Variants in SYT17 observed in about 807,000 individuals in gnomAD.
SYT17 encodes the protein synaptotagmin-17.
In SYT17, 22 loss-of-function variants were observed where a neutral mutation model predicts 46.7. The observed-to-expected ratio is 0.47, with a 90% CI of 0.34 to 0.67. SYT17 has a LOEUF of 0.67. SYT17 is among the 30% of genes least tolerant of loss of function. The probability of loss-of-function intolerance (pLI) is 0.01; values close to 1 mark genes in which losing one functional copy is unlikely to be tolerated. For synonymous variants in SYT17, 251 were observed against 248.4 expected, an observed-to-expected ratio of 1.01 and a Z score of -0.10; for missense variants, 519 against 612.8, an observed-to-expected ratio of 0.85 and a Z score of 1.62.
At chr16:19,264,745 C>G (rs1036627275) in intron 7 of SYT17, among the ~76,000 whole-genome samples, 52 of 152,140 alleles carry the variant, frequency 3.4e-4, no homozygotes, top group African/African-American at 1.2e-3. Flanking sequence ...GCACACACCA[C>G]TATGTCTGGC....
chr16:19,183,709 G>A lies in SYT17; in HGVS notation c.513G>A (p.Val171=). The part of the protein sequence containing the change: ...LYSLDSNSDD[V]DSLTDEEILS... The stretch of plus-strand genomic sequence containing the variant: ...CCCTCGACTCCAACAGCGACGATGT[G>A]GACTCTCTGACAGACGAGGAGATCC... The change falls in exon 5 of 8, where the codon GTG becomes GTA. Residue 171 remains valine (V), a synonymous_variant. Transcript: ENST00000355377. This position sits in a 1 kb window ranked among gnomAD's most constrained non-coding sequence, Gnocchi z 5.6. The A allele has an allele frequency of 6.2e-7, 1 of 1,614,158 alleles. No homozygotes were observed. The highest frequency in any genetic ancestry group is 1.1e-5 in the South Asian group (1 of 91,082).
At position 19,254,939 on chromosome 16, in the gene SYT17, C is replaced by G. The variant is rs191253859; in HGVS notation, c.1229-11941C>G. On this transcript the variant is annotated intron_variant, in intron 7 of 7. Coordinates refer to ENST00000355377, the MANE Select transcript of SYT17 (RefSeq NM_016524.4). The stretch of plus-strand genomic sequence containing the variant: ...AGGCATAAAGAAAGGGGTCCCACAG[C>G]CCCAAAGGAATTTTAAAAGAAATTT... 2.3e-4 allele frequency among the ~76,000 whole-genome samples: 35 copies of G among 152,314 alleles called. No individual in the cohort carries two copies. In the East Asian group the frequency reaches 6.5e-3, roughly 28 times the overall value.
chr16:19,256,365 G>T (rs1000697786), intron 7 of SYT17, among the ~76,000 whole-genome samples: 14 of 150,812 alleles, frequency 9.3e-5, no homozygotes, highest in African/African-American at 3.2e-4. Context: ...GGATTTTCAC[G>T]GGACTTTCCA....
At chr16:19,243,819 CAAAAAAAAAAA>C (rs760219447) in intron 7 of SYT17, among the ~76,000 whole-genome samples, 5 of 56,920 alleles carry the variant, frequency 8.8e-5, no homozygotes, top group Admixed American at 6.9e-4. Flanking sequence ...AAAACTCCAT[CAAAAAAAAAAA>C]AAAAAAAAAA....
At position 19,183,933 on chromosome 16, in the gene SYT17, G is replaced by C; in HGVS notation, c.737G>C (p.Gly246Ala). ...GACCAGAAGAACTCAAAGCAGACCG[G>C]GGTCAAACGCAAGACCCAGAAGCCC... ...LPDQKNSKQT[G>A]VKRKTQKPVF... Residue 246 changes from glycine to alanine, a missense_variant, in exon 5 of 8, where the codon GGG becomes GCG. Physicochemically the swap from Gly to Ala is moderately conservative, Grantham distance 60. Transcript: ENST00000355377. The surrounding 1 kb of genome is among the most constrained non-coding windows in gnomAD (Gnocchi z 5.6). The C allele has an allele frequency of 6.2e-7, 1 of 1,614,190 alleles. No homozygotes were observed. The highest frequency in any genetic ancestry group is 1.1e-5 in the South Asian group (1 of 91,090).
At chr16:19,178,165 C>T (rs1181438937) in intron 3 of SYT17, among the ~76,000 whole-genome samples, 2 of 151,964 alleles carry the variant, frequency 1.3e-5, no homozygotes, top group East Asian at 3.9e-4. Flanking sequence ...TCACTGCAAG[C>T]TCTGCCTCCC....
chr16:19,196,040 A>G (rs1965229742), intron 5 of SYT17, among the ~76,000 whole-genome samples: 1 of 152,062 alleles, frequency 6.6e-6, no homozygotes, highest in African/African-American at 2.4e-5. Context: ...GAGTCATGCT[A>G]TATATGCTGA....
At chr16:19,226,777 C>A (rs1421800212) in intron 7 of SYT17, among the ~76,000 whole-genome samples, 1 of 152,192 alleles carries the variant, frequency 6.6e-6, no homozygotes, top group African/African-American at 2.4e-5. Context: ...TTTCCCAAGT[C>A]CCTGCTGAGA....
chr16:19,246,049 G>A (rs531602261), intron 7 of SYT17, among the ~76,000 whole-genome samples: 80 of 149,814 alleles, frequency 5.3e-4, no homozygotes, highest in African/African-American at 1.8e-3. Context: ...TCTGTCATCC[G>A]GGCTGGAGTC....
intron 5 of SYT17, among the ~76,000 whole-genome samples, chr16:19,220,303 C>CTTTCTTTTTTTTTTTTTTTTTTTTTTTTT (rs776097400): frequency 3.7e-5 from 3 of 80,516 alleles, no homozygotes; most frequent in East Asian, 4.9e-4. Flanking sequence ...TTCTTTCTTT[C>CTTTCTTTTTTTTTTTTTTTTTTTTTTTTT]TTTTTTTTTT....
chr16:19,226,638 G>T (rs544271305), intron 7 of SYT17, among the ~76,000 whole-genome samples: 91 of 152,172 alleles, frequency 6.0e-4, no homozygotes, highest in African/African-American at 2.1e-3. Flanking sequence ...AATAGACAAG[G>T]GCCTCACTCT....
chr16:19,253,853 G>A (rs1162402633), intron 7 of SYT17, among the ~76,000 whole-genome samples: 5 of 151,844 alleles, frequency 3.3e-5, no homozygotes, highest in East Asian at 1.9e-4. Flanking sequence ...TCAGCCTCCC[G>A]AGTAACTAGG....
At chr16:19,219,198 C>T (rs1966209779) in intron 5 of SYT17, among the ~76,000 whole-genome samples, 1 of 7,112 alleles carries the variant, frequency 1.4e-4, no homozygotes, top group Non-Finnish European at 2.2e-4. Flanking sequence ...GTCAGGAGAT[C>T]GAGACCATCC....
intron 5 of SYT17, among the ~76,000 whole-genome samples, chr16:19,201,671 T>TAAA (rs559424751): frequency 4.8e-5 from 6 of 126,120 alleles, no homozygotes; most frequent in African/African-American, 1.8e-4. Flanking sequence ...TGCCCCTGCT[T>TAAA]AAAAAAAAAA....
intron 5 of SYT17, among the ~76,000 whole-genome samples, chr16:19,216,794 G>A (rs1398286273): frequency 2.0e-5 from 3 of 152,106 alleles, no homozygotes; most frequent in Admixed American, 2.0e-4. Flanking sequence ...TTGGACATTG[G>A]GGTTGGTTCC....
At chr16:19,249,163 A>C (rs939308435) in intron 7 of SYT17, among the ~76,000 whole-genome samples, 1 of 152,024 alleles carries the variant, frequency 6.6e-6, no homozygotes, top group Non-Finnish European at 1.5e-5. Context: ...AGTCCCAGCT[A>C]CTCAGGAGGC....
At chr16:19,216,270 T>C (rs1412772745) in intron 5 of SYT17, among the ~76,000 whole-genome samples, 4 of 152,146 alleles carry the variant, frequency 2.6e-5, no homozygotes, top group Admixed American at 6.5e-5. Flanking sequence ...AAATGCCTCC[T>C]CCTCCATGAA....
Position 19,253,529 on chromosome 16 carries a change from C to T in SYT17, c.1229-13351C>T, listed in dbSNP as rs535425354. Reference sequence around the variant, plus strand: ...CAAGAAGACCTTTAACAACTTAGTCCCATCCCACAGAGATTGGAAACTCTA... The same window carrying T: ...CAAGAAGACCTTTAACAACTTAGTCTCATCCCACAGAGATTGGAAACTCTA... On this transcript the variant is annotated intron_variant, in intron 7 of 7. Transcript: ENST00000355377. Among the ~76,000 whole-genome samples the T allele has an allele frequency of 1.2e-3, 178 of 152,092 alleles. 1 individual carries two copies. The highest frequency in any genetic ancestry group is 1.9e-3 in the Non-Finnish European group (127 of 68,000).
chr16:19,171,834 G>A (rs1964106895), intron 1 of SYT17: 2 of 152,274 alleles, frequency 1.3e-5, no homozygotes, highest in South Asian at 4.1e-4. Flanking sequence ...CTGTCTCCAA[G>A]CCTCTGGACA....
Sources: allele counts gnomAD v4.1 joint callset (sites outside exome capture counted in the v4.1 genomes callset), GRCh38; gene constraint gnomAD v4.1.1; non-coding constraint Gnocchi (gnomAD v3.1); transcripts MANE v1.5; gene names NCBI Gene and HGNC (gene_info 2026-07-23, HGNC 2026-07-21).